Variants in MESD observed in about 807,000 individuals in gnomAD.
MESD encodes LRP chaperone MESD.
A neutral mutation model predicts 12.9 loss-of-function variants in MESD; 7 were observed. The ratio of observed to expected loss-of-function variants is 0.54; its 90% confidence interval spans 0.31 to 1.02. The LOEUF is 1.02. MESD is among the 50% of genes least tolerant of loss of function. The probability of loss-of-function intolerance (pLI) is 0.05; values close to 1 mark genes in which losing one functional copy is unlikely to be tolerated. For synonymous variants in MESD, 126 were observed against 115.6 expected, an observed-to-expected ratio of 1.09 and a Z score of -0.58; for missense variants, 342 against 296.7, an observed-to-expected ratio of 1.15 and a Z score of -1.12.
At position 80,985,691 on chromosome 15, in the gene MESD, T is replaced by G. The variant is rs1188162542; in HGVS notation, c.214-3509A>C. On this transcript the variant is annotated intron_variant, in intron 1 of 2. Coordinates refer to ENST00000261758, the MANE Select transcript of MESD (RefSeq NM_015154.3). ...GATGGGGTCTTACTCTATTACCCAG[T>G]TTGGAATGCAATGGTGCTGGTGCAA... 2.8e-5 allele frequency among the ~76,000 whole-genome samples: 4 copies of G among 142,906 alleles called. No individual in the cohort carries two copies. The South Asian group carries it at 9.0e-4, about 32-fold the overall frequency. The allele number at this position is 142,906 out of a possible 152,430, so 93.8% of individuals were successfully genotyped here.
downstream of MESD, among the ~76,000 whole-genome samples, chr15:80,974,252 G>A (rs780412835): frequency 2.0e-5 from 3 of 152,224 alleles, no homozygotes; most frequent in African/African-American, 7.2e-5. Flanking sequence ...AGCAGACAAC[G>A]CTCAGATACG....
rs562422816 is a variant in MESD at position 80,976,832 on chromosome 15, T to A, written c.*2387A>T. On this transcript the variant is annotated 3_prime_UTR_variant, in exon 3 of 3. Coordinates refer to ENST00000261758, the MANE Select transcript of MESD (RefSeq NM_015154.3). ...CACTCAAGTGTCCATCAGCAGGGAC[T>A]ATGCAGTGAAACAGTGGTTCAAACC... 6.6e-6 allele frequency: 1 copy of A among 152,380 alleles called. No individual in the cohort carries two copies. The highest frequency in any genetic ancestry group is 2.1e-4 in the South Asian group (1 of 4,830). The allele number at this position is 152,380 out of a possible 1,614,324, so 9.4% of individuals were successfully genotyped here. A position where few individuals can be genotyped will look rare whatever the true frequency, so the allele number is the denominator to read the frequency against.
chr15:80,963,069 C>T (rs1033188910), intron 3 of MESD, among the ~76,000 whole-genome samples: 1 of 151,956 alleles, frequency 6.6e-6, no homozygotes, highest in South Asian at 2.1e-4. Flanking sequence ...AAAAGATCAA[C>T]AAAATAGACC....
intron 3 of MESD, among the ~76,000 whole-genome samples, chr15:80,966,655 G>A (rs945565261): frequency 6.6e-6 from 1 of 152,118 alleles, no homozygotes; most frequent in East Asian, 1.9e-4. Context: ...TCAAATCTCA[G>A]CTTAGTGGCC....
chr15:80,949,474 C>CCT (rs2141770301), intron 4 of MESD: 1 of 184,470 alleles, frequency 5.4e-6, no homozygotes, highest in Admixed American at 5.3e-5. Context: ...GCAAGCCCTG[C>CCT]CTCTGGCCGT....
chr15:80,947,023 G>A, downstream of MESD: 2 of 1,614,158 alleles, frequency 1.2e-6, no homozygotes, highest in Non-Finnish European at 1.7e-6. Context: ...ATGGACCAGA[G>A]TGCTGGAAAA....
chr15:80,984,339 C>T (rs766227608), intron 1 of MESD, among the ~76,000 whole-genome samples: 2 of 151,844 alleles, frequency 1.3e-5, no homozygotes, highest in African/African-American at 4.8e-5. Flanking sequence ...TTTAGGAGGT[C>T]GAAGCTGGAG....
At position 80,978,480 on chromosome 15, in the gene MESD, C is replaced by A. The variant is rs1485080345; in HGVS notation, c.*739G>T. On this transcript the variant is annotated 3_prime_UTR_variant, in exon 3 of 3. Coordinates refer to ENST00000261758, the MANE Select transcript of MESD (RefSeq NM_015154.3). ...AAGGACTCTGATTCCCTACTTAAAT[C>A]CTTTAAAACTGTCACATTAAATGGA... 6.6e-6 allele frequency: 1 copy of A among 152,188 alleles called. No individual in the cohort carries two copies. Among genetic ancestry groups the A allele is most frequent in the Non-Finnish European group, 1.5e-5 (1 of 68,040 alleles). 9.4% of individuals were successfully genotyped at this position (152,188 alleles called of 1,614,324 possible).
intron 3 of MESD, among the ~76,000 whole-genome samples, chr15:80,961,624 G>T (rs956772594): frequency 6.6e-6 from 1 of 152,180 alleles, no homozygotes; most frequent in African/African-American, 2.4e-5. Context: ...TTATCCTAAA[G>T]AAAGAGCTAC....
chr15:80,952,550 C>A (rs1322665897), intron 3 of MESD, among the ~76,000 whole-genome samples: 1 of 151,596 alleles, frequency 6.6e-6, no homozygotes, highest in East Asian at 1.9e-4. Flanking sequence ...ACAGAGAGTT[C>A]TTCTCTTGAT....
exon 5 of MESD, chr15:80,947,379 T>G (rs549811522): frequency 2.7e-6 from 1 of 367,690 alleles, no homozygotes; most frequent in East Asian, 6.1e-5. Flanking sequence ...AAAAGTGGCT[T>G]AGTCTCACCC....
intron 3 of MESD, among the ~76,000 whole-genome samples, chr15:80,965,499 C>T (rs970865365): frequency 2.6e-5 from 4 of 152,188 alleles, no homozygotes; most frequent in African/African-American, 9.7e-5. Context: ...AAGACACATG[C>T]ACACATATGT....
rs1313063972 is a variant in MESD, at chr15:80,977,910, T to G, written c.*1309A>C. 1 of 152,220 alleles carries G rather than the reference T, an allele frequency of 6.6e-6. No homozygotes were observed. The highest frequency in any genetic ancestry group is 1.9e-4 in the East Asian group (1 of 5,188). The allele number at this position is 152,220 out of a possible 1,614,324, so 9.4% of individuals were successfully genotyped here. Reference sequence around the variant, plus strand: ...GAGGGTGGGGGGACTGCAGGGCAAATGTCCCATCCAAAGCAGAGAACTGAG... The same window carrying G: ...GAGGGTGGGGGGACTGCAGGGCAAAGGTCCCATCCAAAGCAGAGAACTGAG... On this transcript the variant is annotated 3_prime_UTR_variant, in exon 3 of 3. Transcript: ENST00000261758.
intron 1 of MESD, among the ~76,000 whole-genome samples, 183 bp downstream of exon 1, chr15:80,989,396 A>G (rs565132089): frequency 6.6e-6 from 1 of 152,264 alleles, no homozygotes; most frequent in South Asian, 2.1e-4. Flanking sequence ...GAGGGTCAGC[A>G]GGGCGCGCGG....
Position 80,989,677 on chromosome 15 carries a change from C to G in MESD, c.115G>C (p.Gly39Arg), listed in dbSNP as rs1428605286. 3.1e-6 allele frequency: 5 copies of G among 1,613,332 alleles called. No individual in the cohort carries two copies. The highest frequency in any genetic ancestry group is 3.3e-5 in the Admixed American group (2 of 60,032). ...GGTGGGGTAGACTCGTCGGGCGTCCCGGGCGAGCCTTCGGCCGCGCAGGAC... is the reference window on the plus strand; with the variant it reads ...GGTGGGGTAGACTCGTCGGGCGTCCGGGGCGAGCCTTCGGCCGCGCAGGAC... ...PGSCAAEGSP[G>R]TPDESTPPPR... Residue 39 changes from glycine to arginine, a missense_variant, in exon 1 of 3, where the codon GGG becomes CGG. By Grantham distance (125) the Gly-to-Arg change is moderately radical. Coordinates refer to ENST00000261758, the MANE Select transcript of MESD (RefSeq NM_015154.3).
intron 3 of MESD, among the ~76,000 whole-genome samples, chr15:80,953,256 G>T (rs189047770): frequency 6.6e-6 from 1 of 152,344 alleles, no homozygotes; most frequent in East Asian, 1.9e-4. Flanking sequence ...TTCTCAGCCA[G>T]AAGTGTCACT....
intron 3 of MESD, among the ~76,000 whole-genome samples, chr15:80,965,946 G>A (rs1596228306): frequency 6.6e-6 from 1 of 151,892 alleles, no homozygotes; most frequent in Non-Finnish European, 1.5e-5. Flanking sequence ...AGAACTTAAA[G>A]TATAATAATA....
intron 3 of MESD, among the ~76,000 whole-genome samples, chr15:80,966,817 A>G (rs781271314): frequency 9.9e-5 from 15 of 152,042 alleles, no homozygotes; most frequent in Non-Finnish European, 1.6e-4. Flanking sequence ...CTGCTCCACA[A>G]CCTTTGCACC....
intron 4 of MESD, chr15:80,951,832 AACTT>A (rs1439621865): frequency 3.2e-5 from 5 of 156,392 alleles, no homozygotes; most frequent in Admixed American, 6.4e-5. Context: ...TAGGGATAAT[AACTT>A]ATCTAAGGAT....
Sources: allele counts gnomAD v4.1 joint callset (sites outside exome capture counted in the v4.1 genomes callset), GRCh38; gene constraint gnomAD v4.1.1; transcripts MANE v1.5; gene names NCBI Gene and HGNC (gene_info 2026-07-23, HGNC 2026-07-21).